Variants in POT1 observed in about 807,000 individuals in gnomAD.
The protein encoded by POT1 is protection of telomeres protein 1.
In POT1, 47 loss-of-function variants were observed where a neutral mutation model predicts 78.5. The ratio of observed to expected loss-of-function variants is 0.60; its 90% CI spans 0.47 to 0.76. POT1 has a LOEUF of 0.76. Ranked by LOEUF, POT1 falls within the 30% of genes least tolerant of loss-of-function variation. POT1 has a pLI of 0.00. For missense variants in POT1, 646 were observed against 749.9 expected, an observed-to-expected ratio of 0.86 and a Z score of 1.62; for synonymous variants, 259 against 260.7, an observed-to-expected ratio of 0.99 and a Z score of 0.06.
chr7:124,887,775 T>TCC (rs1026200726), intron 6 of POT1, among the ~76,000 whole-genome samples: 1 of 152,124 alleles, frequency 6.6e-6, no homozygotes, highest in African/African-American at 2.4e-5. Flanking sequence ...CAGATAATGG[T>TCC]GTTTTAGAAT....
At chr7:124,894,453 A>C (rs1796444945) in intron 5 of POT1, among the ~76,000 whole-genome samples, 1 of 151,600 alleles carries the variant, frequency 6.6e-6, no homozygotes, top group Non-Finnish European at 1.5e-5. Flanking sequence ...AGTAACCGCC[A>C]TTTGTTAATT....
At chr7:124,831,799 C>T (rs114988988) in intron 15 of POT1, among the ~76,000 whole-genome samples, 2,594 of 151,438 alleles carry the variant, frequency 0.017, 72 homozygotes, top group African/African-American at 0.059. Flanking sequence ...TGGCATAGTA[C>T]GAAACAGTTT....
At chr7:124,841,288 CAGTT>C (rs1176799596) in intron 13 of POT1, 110 bp from the exon 14 acceptor site, 11 of 777,358 alleles carry the variant, frequency 1.4e-5, no homozygotes, top group East Asian at 1.0e-4. Context: ...GTAGATGAGT[CAGTT>C]ACTTTTTCTT....
intron 2 of POT1, among the ~76,000 whole-genome samples, chr7:124,925,529 T>C (rs566550433): frequency 1.3e-5 from 2 of 152,142 alleles, no homozygotes; most frequent in South Asian, 2.1e-4. Context: ...AAAATGAACA[T>C]ACTTCCCAAA....
At chr7:124,901,959 G>A (rs911743948) in intron 3 of POT1, among the ~76,000 whole-genome samples, 7 of 151,856 alleles carry the variant, frequency 4.6e-5, no homozygotes, top group South Asian at 2.1e-4. Flanking sequence ...AATAAACTGA[G>A]AAGAGAAGTT....
chr7:124,863,533 C>T lies in POT1; in HGVS notation c.363G>A (p.Lys121=). ...GGTCCTCAGTAGTGAAGTTAAAATA[C>T]TTGCTTGAAGTGCGAGGTATGATAG... is the stretch of plus-strand genomic sequence containing the variant. ...GAPIIPRTSS[K]YFNFTTEDHK... The change falls in exon 8 of 19, where the codon AAG becomes AAA. Residue 121 remains lysine (K), a synonymous_variant. Coordinates refer to ENST00000357628, the MANE Select transcript of POT1 (RefSeq NM_015450.3). The T allele has an allele frequency of 1.2e-6, 2 of 1,613,944 alleles. No individual in the cohort carries two copies. Among genetic ancestry groups the T allele is most frequent in the Non-Finnish European group, 1.7e-6 (2 of 1,179,884 alleles).
At chr7:124,862,654 C>A (rs1795625362) in intron 8 of POT1, among the ~76,000 whole-genome samples, 1 of 152,132 alleles carries the variant, frequency 6.6e-6, no homozygotes, top group African/African-American at 2.4e-5. Context: ...CCAAGTGCCA[C>A]TGCATTCCAT....
intron 6 of POT1, among the ~76,000 whole-genome samples, chr7:124,871,731 ATT>A (rs5887205): frequency 0.045 from 6,542 of 144,934 alleles, 172 homozygotes; most frequent in Middle Eastern, 0.09. Context: ...CTGCCTTAAA[ATT>A]TTTTTTTTTT....
chr7:124,868,528 T>C (rs183141690), intron 7 of POT1, among the ~76,000 whole-genome samples: 108 of 151,958 alleles, frequency 7.1e-4, no homozygotes, highest in African/African-American at 2.5e-3. Flanking sequence ...AAAAATTATA[T>C]TGACCATATG....
At chr7:124,828,468 C>T (rs899655696) in intron 16 of POT1, among the ~76,000 whole-genome samples, 7 of 152,050 alleles carry the variant, frequency 4.6e-5, no homozygotes, top group African/African-American at 1.7e-4. Flanking sequence ...AACAGTATAA[C>T]TAATTAACAG....
At chr7:124,906,841 T>C (rs1050435832) in intron 3 of POT1, among the ~76,000 whole-genome samples, 3 of 152,094 alleles carry the variant, frequency 2.0e-5, no homozygotes, top group African/African-American at 7.2e-5. Context: ...TTATGAATCA[T>C]AATGGCTTTT....
chr7:124,907,061 A>G (rs911900418), intron 3 of POT1, among the ~76,000 whole-genome samples: 3 of 152,112 alleles, frequency 2.0e-5, no homozygotes, highest in Non-Finnish European at 4.4e-5. Context: ...GTTTAACTCA[A>G]TTGGGTGAAA....
At chr7:124,843,175 T>C (rs1207896611) in intron 12 of POT1, 5 of 341,358 alleles carry the variant, frequency 1.5e-5, no homozygotes, top group Non-Finnish European at 2.6e-5. Context: ...AAATGTGTAC[T>C]AAATAAACGC....
chr7:124,824,219 A>G, intron 18 of POT1, 145 bp from the exon 19 acceptor site: 1 of 564,190 alleles, frequency 1.8e-6, no homozygotes, highest in East Asian at 3.1e-5. Context: ...TCCAAATTTA[A>G]CATTATTCTC....
intron 9 of POT1, among the ~76,000 whole-genome samples, chr7:124,858,068 C>T (rs1795490351): frequency 6.6e-6 from 1 of 152,136 alleles, no homozygotes. Context: ...CTCTCCCCTG[C>T]CAGCACTGAA....
intron 8 of POT1, among the ~76,000 whole-genome samples, chr7:124,862,233 G>A (rs1485817039): frequency 1.3e-5 from 2 of 152,144 alleles, no homozygotes; most frequent in Non-Finnish European, 2.9e-5. Flanking sequence ...AACTATTTCA[G>A]CTAAAAGTTG....
At chr7:124,893,837 G>C (rs1353129726) in intron 5 of POT1, among the ~76,000 whole-genome samples, 1 of 151,462 alleles carries the variant, frequency 6.6e-6, no homozygotes, top group Non-Finnish European at 1.5e-5. Context: ...GACAGCGCAG[G>C]GAGACATATT....
intron 7 of POT1, among the ~76,000 whole-genome samples, chr7:124,866,128 T>C (rs1795717326): frequency 6.6e-6 from 1 of 152,278 alleles, no homozygotes; most frequent in African/African-American, 2.4e-5. Context: ...TTTTTATGCT[T>C]TGTTAGGGTG....
Position 124,825,296 on chromosome 7 carries a change from A to G in POT1, c.1748T>C (p.Val583Ala). 6.2e-7 allele frequency: 1 copy of G among 1,611,346 alleles called. No homozygotes were observed. Among genetic ancestry groups the G allele is most frequent in the East Asian group, 2.2e-5 (1 of 44,686 alleles). The change falls in exon 18 of 19, where the codon GTG becomes GCG. Residue 583 changes from valine (V) to alanine (A), a missense_variant. Val to Ala is a moderately conservative substitution (Grantham distance 64). Coordinates refer to ENST00000357628, the MANE Select transcript of POT1 (RefSeq NM_015450.3). ...ACAAAACATATCCATGATCATATCC[A>G]CACTTTTCTGAAGGTCATCATCCAT... ...VLMDDDLQKSVDMIMDMFCPP... is the reference protein window; with the variant it reads ...VLMDDDLQKSADMIMDMFCPP...
Sources: gnomAD v4.1 joint callset for allele counts (sites outside exome capture counted in the v4.1 genomes callset) on GRCh38, gnomAD v4.1.1 for gene constraint, MANE v1.5 for transcripts, NCBI Gene and HGNC (gene_info 2026-07-23, HGNC 2026-07-21) for gene names.